ANKRD16: variants seen among roughly 807,000 people sequenced by gnomAD.
ANKRD16 encodes the protein ankyrin repeat domain-containing protein 16.
Under a neutral mutation model 37.9 loss-of-function variants are expected in ANKRD16, and 35 were observed. That is an observed-to-expected ratio of 0.92 (90% CI 0.71 to 1.23). The LOEUF (loss-of-function observed/expected upper bound fraction) is 1.23. Ranked by LOEUF, ANKRD16 falls within the 50% of genes most tolerant of loss-of-function variation. The probability of loss-of-function intolerance (pLI) is 0.00; values close to 1 mark genes in which losing one functional copy is unlikely to be tolerated. For missense variants in ANKRD16, 480 were observed against 469.9 expected, an observed-to-expected ratio of 1.02 and a Z score of -0.20; for synonymous variants, 206 against 197.2, an observed-to-expected ratio of 1.04 and a Z score of -0.37.
Position 5,862,705 on chromosome 10 carries a change from GTTA to G in ANKRD16, c.*34-17_*34-15del, listed in dbSNP as rs1275785930. 5 of 1,287,590 alleles carry G rather than the reference GTTA, an allele frequency of 3.9e-6. No individual in the cohort carries two copies. Among genetic ancestry groups the G allele is most frequent in the Non-Finnish European group, 5.1e-6 (5 of 987,116 alleles). The allele number at this position is 1,287,590 out of a possible 1,614,324, so 79.8% of individuals were successfully genotyped here. A position where few individuals can be genotyped will look rare whatever the true frequency, so the allele number is the denominator to read the frequency against. On this transcript the variant is annotated splice_polypyrimidine_tract_variant and intron_variant, in intron 7 of 7. Transcript: ENST00000380094. The surrounding 1 kb of genome is among the most constrained non-coding windows in gnomAD (Gnocchi z 6.5). ...CTCCCAGCAACTCTGTGAAGAAAGA[GTTA>G]TTATCATCTCAGTTTACAGATGAAA...
Position 5,866,324 on chromosome 10 carries a change from TCCTG to T in ANKRD16, c.*34-3637_*34-3634del, listed in dbSNP as rs1842013725. Among the ~76,000 whole-genome samples the T allele has an allele frequency of 6.6e-6, 1 of 152,230 alleles. No homozygotes were observed. The highest frequency in any genetic ancestry group is 1.5e-5 in the Non-Finnish European group (1 of 68,040). On this transcript the variant is annotated intron_variant, in intron 7 of 7. Transcript: ENST00000380094. This position sits in a 1 kb window ranked among gnomAD's most constrained non-coding sequence, Gnocchi z 4.3. The stretch of plus-strand genomic sequence containing the variant: ...AATTCTTAGAAGTCCCCTTAGTTAA[TCCTG>T]ACCTTAATCTATATACTGATGAAAG...
chr10:5,880,716 A>G (rs959853750), intron 5 of ANKRD16, among the ~76,000 whole-genome samples: 4 of 152,228 alleles, frequency 2.6e-5, no homozygotes, highest in Non-Finnish European at 4.4e-5. Context: ...AGGTGAATAT[A>G]AAGTAGCTAC....
chr10:5,886,731 T>C (rs1013917441), intron 2 of ANKRD16, among the ~76,000 whole-genome samples: 2 of 152,240 alleles, frequency 1.3e-5, no homozygotes, highest in Admixed American at 1.3e-4. Flanking sequence ...TCTAGACTCT[T>C]GAGCTCCTTA....
At chr10:5,887,030 G>C (rs1380369279) in intron 2 of ANKRD16, among the ~76,000 whole-genome samples, 1 of 152,178 alleles carries the variant, frequency 6.6e-6, no homozygotes, top group East Asian at 1.9e-4. Flanking sequence ...GCCTTTAAGA[G>C]TAAGAATGTA....
chr10:5,888,994 C>A, intron 1 of ANKRD16, 47 bp downstream of exon 1: 6 of 1,476,084 alleles, frequency 4.1e-6, no homozygotes, highest in Non-Finnish European at 5.4e-6. Flanking sequence ...CTCGCTACGA[C>A]TCTGCGAGTA....
chr10:5,876,480 G>A (rs749432760), intron 7 of ANKRD16, among the ~76,000 whole-genome samples: 8 of 152,174 alleles, frequency 5.3e-5, no homozygotes, highest in African/African-American at 9.7e-5. Flanking sequence ...TGAAATAGCC[G>A]CACAACAGGA....
rs993009160 is a variant in ANKRD16 at position 5,866,203 on chromosome 10, C to T, written c.*34-3512G>A. ...CCAGTGCTTCAAATACATACGTGTGCGGCCCTCAACCCTGCCACTTTTCTC... is the reference window on the plus strand; with the variant it reads ...CCAGTGCTTCAAATACATACGTGTGTGGCCCTCAACCCTGCCACTTTTCTC... On this transcript the variant is annotated intron_variant, in intron 7 of 7. Transcript: ENST00000380094. The surrounding 1 kb of genome is among the most constrained non-coding windows in gnomAD (Gnocchi z 4.3). Among the ~76,000 whole-genome samples, 1 of 152,150 alleles carries T rather than the reference C, an allele frequency of 6.6e-6. No homozygotes were observed. Among genetic ancestry groups the T allele is most frequent in the Non-Finnish European group, 1.5e-5 (1 of 68,038 alleles).
intron 5 of ANKRD16, chr10:5,882,640 C>A (rs1235551291): frequency 6.0e-6 from 1 of 165,384 alleles, no homozygotes; most frequent in Non-Finnish European, 1.3e-5. Context: ...AAATGCAATT[C>A]TCTTGCCCTG....
At chr10:5,867,595 A>C (rs1842034769) in intron 7 of ANKRD16, among the ~76,000 whole-genome samples, 1 of 152,238 alleles carries the variant, frequency 6.6e-6, no homozygotes, top group Non-Finnish European at 1.5e-5. Context: ...AAAATTTAAC[A>C]GTGTAACATG....
At position 5,883,132 on chromosome 10, in the gene ANKRD16, C is replaced by G. The variant is rs145172354; in HGVS notation, c.723G>C (p.Gln241His). ...CTGTGACAGCTGCCCTGTGCAGAGC[C>G]TGGGCACCCAGGCTGTCTTCTGCTG... is the stretch of plus-strand genomic sequence containing the variant. ...CLSAEDSLGA[Q>H]ALHRAAVTGQ... The change falls in exon 5 of 8, where the codon CAG (glutamine) becomes CAC (histidine). Residue 241 changes from glutamine (Q) to histidine (H), a missense_variant. Gln to His is a conservative substitution (Grantham distance 24, BLOSUM62 0). Transcript: ENST00000380094. The G allele has an allele frequency of 1.9e-6, 3 of 1,613,886 alleles. No individual in the cohort carries two copies. Among genetic ancestry groups the G allele is most frequent in the African/African-American group, 2.7e-5 (2 of 74,926 alleles).
In ANKRD16 at chr10:5,882,915, G is replaced by A. The variant is rs878945176; in HGVS notation, c.849+91C>T. 2.9e-6 allele frequency: 4 copies of A among 1,392,194 alleles called. No individual in the cohort carries two copies. The Admixed American group carries it at 8.2e-5, about 29-fold the overall frequency. The allele number at this position is 1,392,194 out of a possible 1,614,324, so 86.2% of individuals were successfully genotyped here. A position where few individuals can be genotyped will look rare whatever the true frequency, so the allele number is the denominator to read the frequency against. On this transcript the variant is annotated intron_variant, in intron 5 of 7. Transcript: ENST00000380094. ...CATGGGCAATTTCTTCCATAGAGAT[G>A]GGGTCAAAGAAACCAGGCTGCAGAG...
intron 6 of ANKRD16, among the ~76,000 whole-genome samples, chr10:5,879,483 A>G (rs77026709): frequency 6.6e-6 from 1 of 152,124 alleles, no homozygotes; most frequent in South Asian, 2.1e-4. Flanking sequence ...AAAAAAAAAA[A>G]TTCCACTAAA....
chr10:5,872,777 T>G (rs182407892), intron 7 of ANKRD16, among the ~76,000 whole-genome samples: 1 of 146,836 alleles, frequency 6.8e-6, no homozygotes, highest in Non-Finnish European at 1.5e-5. Flanking sequence ...AAGATGGTCT[T>G]AATTTCCTGA....
rs1475159523 is a variant in ANKRD16 at position 5,864,526 on chromosome 10, TCAC to T, written c.*34-1838_*34-1836del. On this transcript the variant is annotated intron_variant, in intron 7 of 7. Transcript: ENST00000380094. The surrounding 1 kb of genome is among the most constrained non-coding windows in gnomAD (Gnocchi z 4.4). ...CAGGGTCCAGGGCAAACCTTCAATCTCACCTGGAGAGATGTCATGCTATTGCTA... is the reference window on the plus strand; with the variant it reads ...CAGGGTCCAGGGCAAACCTTCAATCTCTGGAGAGATGTCATGCTATTGCTA... Among the ~76,000 whole-genome samples the T allele has an allele frequency of 6.6e-6, 1 of 152,098 alleles. No individual in the cohort carries two copies. The highest frequency in any genetic ancestry group is 1.5e-5 in the Non-Finnish European group (1 of 68,026).
In ANKRD16 at chr10:5,878,373, T is replaced by C. The variant is rs1842219599; in HGVS notation, c.929-86A>G. 1.7e-6 allele frequency: 2 copies of C among 1,205,834 alleles called. No homozygotes were observed. Among genetic ancestry groups the C allele is most frequent in the East Asian group, 2.5e-5 (1 of 40,210 alleles). The allele number at this position is 1,205,834 out of a possible 1,614,324, so 74.7% of individuals were successfully genotyped here. ...ATGAGTTGATAGTGCCCAATAAAAA[T>C]ATCAATTCTTTCAATATCTTCCGTA... is the stretch of plus-strand genomic sequence containing the variant. On this transcript the variant is annotated intron_variant, in intron 6 of 7. Coordinates refer to ENST00000380094, the MANE Select transcript of ANKRD16 (RefSeq NM_019046.3). The surrounding 1 kb of genome is among the most constrained non-coding windows in gnomAD (Gnocchi z 5.1).
At position 5,880,335 on chromosome 10, in the gene ANKRD16, T is replaced by A; in HGVS notation, c.891A>T (p.Gly297=). ...TSTIQTLLSL[G]ADINSKDEKN... is the part of the protein sequence containing the mutation. ...TTTCATCTTTAGAATTGATGTCAGC[T>A]CCCAAGGATAAGAGAGTCTGAATTG... The change falls in exon 6 of 8, where the codon GGA becomes GGT. Residue 297 remains glycine (G), a synonymous_variant. Transcript: ENST00000380094. The A allele has an allele frequency of 6.2e-7, 1 of 1,604,996 alleles. No homozygotes were observed. The highest frequency in any genetic ancestry group is 8.5e-7 in the Non-Finnish European group (1 of 1,176,540).
chr10:5,872,847 C>A (rs188082522), intron 7 of ANKRD16, among the ~76,000 whole-genome samples: 1 of 149,122 alleles, frequency 6.7e-6, no homozygotes, highest in East Asian at 2.1e-4. Flanking sequence ...TGAGCCACCG[C>A]GCCCGGCCCT....
rs869185709 is a variant in ANKRD16 at position 5,881,438 on chromosome 10, TTATATATATATATA to T, written c.850-1076_850-1063del. Among the ~76,000 whole-genome samples, 105 of 51,018 alleles carry T rather than the reference TTATATATATATATA, an allele frequency of 2.1e-3. 2 individuals carry two copies. In the South Asian group the frequency reaches 0.048, roughly 23 times the overall value. The allele number at this position is 51,018 out of a possible 152,430, so 33.5% of individuals were successfully genotyped here. On this transcript the variant is annotated intron_variant, in intron 5 of 7. Coordinates refer to ENST00000380094, the MANE Select transcript of ANKRD16 (RefSeq NM_019046.3). The stretch of plus-strand genomic sequence containing the variant: ...ATATTTTATAAAATAAAAATATTAT[TTATATATATATATA>T]TATATATATATATATATATATATAT...
Position 5,868,694 on chromosome 10 carries a change from C to T in ANKRD16, c.*34-6003G>A, listed in dbSNP as rs773158232. Among the ~76,000 whole-genome samples the T allele has an allele frequency of 2.6e-5, 4 of 152,148 alleles. No homozygotes were observed. Among genetic ancestry groups the T allele is most frequent in the Non-Finnish European group, 4.4e-5 (3 of 68,030 alleles). On this transcript the variant is annotated intron_variant, in intron 7 of 7. Transcript: ENST00000380094. This position sits in a 1 kb window ranked among gnomAD's most constrained non-coding sequence, Gnocchi z 4.9. ...ACGCTGTGGAAGCTTTGTTCTTTTGCTCTTCATAACAAATCTTGCTGCTAC... is the reference window on the plus strand; with the variant it reads ...ACGCTGTGGAAGCTTTGTTCTTTTGTTCTTCATAACAAATCTTGCTGCTAC...
Sources: gnomAD v4.1 joint callset for allele counts (sites outside exome capture counted in the v4.1 genomes callset) on GRCh38, gnomAD v4.1.1 for gene constraint, Gnocchi (gnomAD v3.1) non-coding constraint, MANE v1.5 for transcripts, NCBI Gene and HGNC (gene_info 2026-07-23, HGNC 2026-07-21) for gene names.